The following PIK3AP1 variants were observed in gnomAD, a reference collection of about 807,000 sequenced individuals.
PIK3AP1 encodes phosphoinositide 3-kinase adapter protein 1.
In PIK3AP1, 21 loss-of-function variants were observed where a neutral mutation model predicts 88.1. The observed-to-expected ratio is 0.24, with a 90% CI of 0.17 to 0.34. The LOEUF is 0.34. Among genes scored for constraint, PIK3AP1 ranks in the 10% least tolerant of loss-of-function variants. The probability of loss-of-function intolerance (pLI) is 1.00; values close to 1 mark genes in which losing one functional copy is unlikely to be tolerated. For missense variants in PIK3AP1, 828 were observed against 1,035.7 expected, an observed-to-expected ratio of 0.80 and a Z score of 2.75; for synonymous variants, 398 against 400.0, an observed-to-expected ratio of 1.00 and a Z score of 0.06.
intron 2 of PIK3AP1, among the ~76,000 whole-genome samples, chr10:96,698,867 C>G (rs1057159787): frequency 3.3e-5 from 5 of 152,144 alleles, no homozygotes; most frequent in African/African-American, 1.2e-4. Flanking sequence ...AAGAAGTGTA[C>G]TTTTAACACT....
chr10:96,704,236 G>C (rs1844334760), intron 2 of PIK3AP1, among the ~76,000 whole-genome samples: 2 of 152,126 alleles, frequency 1.3e-5, no homozygotes, highest in South Asian at 2.1e-4. Context: ...CTAACTGATG[G>C]GTGTCCAGGA....
Position 96,615,428 on chromosome 10 carries a change from C to T in PIK3AP1, c.2014+1211G>A, listed in dbSNP as rs541909461. 7.2e-5 allele frequency among the ~76,000 whole-genome samples: 11 copies of T among 152,244 alleles called. No individual in the cohort carries two copies. The South Asian group carries it at 8.3e-4, about 11-fold the overall frequency. On this transcript the variant is annotated intron_variant, in intron 13 of 16. Coordinates refer to ENST00000339364, the MANE Select transcript of PIK3AP1 (RefSeq NM_152309.3). ...GGGGAGATGACTGAGTGACTACTCC[C>T]TTAGTCTAGGCAAGAGATGATGTGG...
Position 96,720,113 on chromosome 10 carries a change from G to C in PIK3AP1, c.13+269C>G, listed in dbSNP as rs1242091485. ...CGACGCTCAGACACTCCTAGGGCCA[G>C]AGGTGGAGGGAGCGAAGGAGACCCT... On this transcript the variant is annotated intron_variant, in intron 1 of 16. Transcript: ENST00000339364. This position sits in a 1 kb window ranked among gnomAD's most constrained non-coding sequence, Gnocchi z 4.6. 2.0e-5 allele frequency among the ~76,000 whole-genome samples: 3 copies of C among 152,230 alleles called. No homozygotes were observed. Among genetic ancestry groups the C allele is most frequent in the Non-Finnish European group, 2.9e-5 (2 of 68,032 alleles).
At chr10:96,603,239 G>A (rs1483350057) in intron 15 of PIK3AP1, among the ~76,000 whole-genome samples, 4 of 152,162 alleles carry the variant, frequency 2.6e-5, no homozygotes, top group African/African-American at 9.7e-5. Flanking sequence ...TATTTACAAT[G>A]TTGTGCAGCC....
At position 96,623,495 on chromosome 10, in the gene PIK3AP1, A is replaced by G. The variant is rs1251757430; in HGVS notation, c.1712T>C (p.Val571Ala). Residue 571 changes from valine (V) to alanine (A), a missense_variant, in exon 11 of 17, where the codon GTT becomes GCT. By Grantham distance (64) the Val-to-Ala change is moderately conservative. This residue lies in a region of PIK3AP1 where 610 missense variants were observed against 760.1 expected (regional missense o/e 0.80). Coordinates refer to ENST00000339364, the MANE Select transcript of PIK3AP1 (RefSeq NM_152309.3). ...KSQERPGNFYVSSESIRKGPP... is the reference protein window; with the variant it reads ...KSQERPGNFYASSESIRKGPP... ...ACCTTTCCTGATGCTCTCTGAGGAA[A>G]CGTAGAAATTCCCAGGCCGCTCTTG... is the stretch of plus-strand genomic sequence containing the variant. 23 of 1,612,214 alleles carry G rather than the reference A, an allele frequency of 1.4e-5. No individual in the cohort carries two copies. Among genetic ancestry groups the G allele is most frequent in the African/African-American group, 2.7e-5 (2 of 74,912 alleles).
At chr10:96,639,370 C>G (rs1450983422) in intron 8 of PIK3AP1, among the ~76,000 whole-genome samples, 1 of 152,164 alleles carries the variant, frequency 6.6e-6, no homozygotes, top group Non-Finnish European at 1.5e-5. Flanking sequence ...GACATGCTTC[C>G]TATCGAGGCC....
chr10:96,682,394 C>T (rs2134264652), intron 2 of PIK3AP1, among the ~76,000 whole-genome samples: 1 of 152,244 alleles, frequency 6.6e-6, no homozygotes, highest in Admixed American at 6.5e-5. Context: ...GTTTGAAGCT[C>T]CTTTCCCACA....
At chr10:96,658,217 C>G (rs1843641417) in intron 2 of PIK3AP1, among the ~76,000 whole-genome samples, 1 of 152,106 alleles carries the variant, frequency 6.6e-6, no homozygotes, top group African/African-American at 2.4e-5. Context: ...AGACACTAAC[C>G]CTGCCTTCAG....
Position 96,601,249 on chromosome 10 carries a change from A to T in PIK3AP1, c.2360+1031T>A, listed in dbSNP as rs927075737. Among the ~76,000 whole-genome samples, 3 of 152,004 alleles carry T rather than the reference A, an allele frequency of 2.0e-5. No homozygotes were observed. The East Asian group carries it at 5.8e-4, about 29-fold the overall frequency. On this transcript the variant is annotated intron_variant, in intron 16 of 16. Transcript: ENST00000339364. ...AGCACTTTGGGAGGCTGAGGCGAGC[A>T]GATTACCTGAAGTCAGGAGTTCGAG...
intron 13 of PIK3AP1, among the ~76,000 whole-genome samples, chr10:96,612,549 G>A (rs181536684): frequency 9.2e-5 from 14 of 152,164 alleles, no homozygotes; most frequent in African/African-American, 2.9e-4. Flanking sequence ...TAATGTTATC[G>A]TGTGTCAATA....
At chr10:96,708,763 A>G (rs1424582144) in intron 2 of PIK3AP1, among the ~76,000 whole-genome samples, 1 of 152,002 alleles carries the variant, frequency 6.6e-6, no homozygotes, top group African/African-American at 2.4e-5. Context: ...AAAAGGAGAA[A>G]TGGCAAAATA....
rs114513376 is a variant in PIK3AP1, at chr10:96,610,908, C to T, written c.2015-1041G>A. ...AAGCCCAGGGGCAGGGTTTATACAG[C>T]GGTGGCTATACAAACTTGGGTAGAA... On this transcript the variant is annotated intron_variant, in intron 13 of 16. Transcript: ENST00000339364. 6.6e-3 allele frequency among the ~76,000 whole-genome samples: 1,009 copies of T among 152,276 alleles called. 17 individuals carry two copies. The highest frequency in any genetic ancestry group is 0.022 in the African/African-American group (929 of 41,546).
intron 2 of PIK3AP1, among the ~76,000 whole-genome samples, chr10:96,703,712 G>C (rs1426191142): frequency 6.6e-6 from 1 of 152,188 alleles, no homozygotes; most frequent in Non-Finnish European, 1.5e-5. Flanking sequence ...CAATAGTCCA[G>C]TCTTCTATGC....
chr10:96,628,886 ATACATATATATATATATATATGTG>A (rs1244120887), intron 8 of PIK3AP1, among the ~76,000 whole-genome samples: 5 of 31,974 alleles, frequency 1.6e-4, no homozygotes, highest in African/African-American at 6.7e-4. Flanking sequence ...ATATATATAT[ATACATATATATATATATATATGTG>A]TATATATATA....
chr10:96,686,609 G>A (rs545299806), intron 2 of PIK3AP1, among the ~76,000 whole-genome samples: 3 of 152,176 alleles, frequency 2.0e-5, no homozygotes, highest in Admixed American at 1.3e-4. Context: ...GTATCCACAA[G>A]AGCACCCGTA....
chr10:96,652,203 A>G (rs1416163352), intron 4 of PIK3AP1, among the ~76,000 whole-genome samples: 2 of 152,204 alleles, frequency 1.3e-5, no homozygotes, highest in African/African-American at 4.8e-5. Flanking sequence ...GAAATGCGAC[A>G]ACAGAGACCA....
At chr10:96,607,835 C>T (rs552382757) in intron 14 of PIK3AP1, among the ~76,000 whole-genome samples, 6 of 152,298 alleles carry the variant, frequency 3.9e-5, no homozygotes, top group South Asian at 2.1e-4. Flanking sequence ...GATGAACCAC[C>T]GTCCCCCACT....
rs747936975 is a variant in PIK3AP1 at position 96,648,778 on chromosome 10, G to T, written c.1066C>A (p.Leu356Ile). The T allele has an allele frequency of 6.2e-7, 1 of 1,609,706 alleles. No individual in the cohort carries two copies. The highest frequency in any genetic ancestry group is 1.1e-5 in the South Asian group (1 of 89,998). The change falls in exon 7 of 17, where the codon CTC becomes ATC. Residue 356 changes from leucine to isoleucine, a missense_variant. By Grantham distance (5) the Leu-to-Ile change is conservative (BLOSUM62 2). Around this residue, in one of 3 missense-constraint regions of PIK3AP1, gnomAD observed 610 missense variants for 760.1 expected, o/e 0.80. Coordinates refer to ENST00000339364, the MANE Select transcript of PIK3AP1 (RefSeq NM_152309.3). ...YGLKNLTALL[L>I]TCPGALQAYS... Reference sequence around the variant, plus strand: ...GCCTGCAGGGCTCCTGGGCAGGTGAGCAACAAGGCAGTGAGGTTCTTCAGT... The same window carrying T: ...GCCTGCAGGGCTCCTGGGCAGGTGATCAACAAGGCAGTGAGGTTCTTCAGT...
chr10:96,712,458 A>AAAAT (rs1304834889), intron 1 of PIK3AP1, among the ~76,000 whole-genome samples: 4 of 152,344 alleles, frequency 2.6e-5, no homozygotes, highest in Middle Eastern at 3.4e-3. Context: ...GCCTGCCATA[A>AAAAT]AAATAAATAA....
Sources: allele counts gnomAD v4.1 joint callset (sites outside exome capture counted in the v4.1 genomes callset), GRCh38; gene constraint gnomAD v4.1.1; regional missense constraint gnomAD v4.1.1; non-coding constraint Gnocchi (gnomAD v3.1); transcripts MANE v1.5; gene names NCBI Gene and HGNC (gene_info 2026-07-23, HGNC 2026-07-21).